MSL3: variants seen among roughly 807,000 people sequenced by gnomAD.
MSL3 encodes the protein MSL3-like 1.
MSL3 carries 5 observed loss-of-function variants against 37.2 expected under a neutral mutation model. The observed-to-expected ratio is 0.13, with a 90% confidence interval of 0.07 to 0.28. The LOEUF is 0.28. Ranked by LOEUF, MSL3 falls within the 10% of genes least tolerant of loss-of-function variation. MSL3 has a pLI of 1.00. For synonymous variants in MSL3, 149 were observed against 147.6 expected, an observed-to-expected ratio of 1.01 and a Z score of -0.07; for missense variants, 315 against 408.5, an observed-to-expected ratio of 0.77 and a Z score of 1.97.
intron 6 of MSL3, among the ~76,000 whole-genome samples, chrX:11,762,627 A>C (rs2053142841): frequency 8.9e-6 from 1 of 112,892 alleles, no homozygotes; most frequent in Non-Finnish European, 1.9e-5. Context: ...CTATTCAAAA[A>C]AGTAATATTG....
At chrX:11,765,381 T>C in intron 8 of MSL3, 86 bp from the exon 9 acceptor site, 2 of 1,066,675 alleles carry the variant, frequency 1.9e-6, no homozygotes, top group Non-Finnish European at 2.5e-6. Context: ...CCTCCTGGAG[T>C]AGAGAGAGCA....
intron 1 of MSL3, 31 bp downstream of exon 1, chrX:11,758,396 C>G: frequency 1.1e-6 from 1 of 900,269 alleles, no homozygotes; most frequent in Non-Finnish European, 1.5e-6. Flanking sequence ...GGAGGAGGCG[C>G]GGGCTGGGGG....
intron 8 of MSL3, among the ~76,000 whole-genome samples, chrX:11,764,911 A>T (rs1268046580): frequency 3.6e-5 from 4 of 111,991 alleles, no homozygotes; most frequent in African/African-American, 1.3e-4. Context: ...CTGGGGACCT[A>T]TGTCAAAGTC....
chrX:11,769,136 A>T (rs190856023), intron 10 of MSL3: 8 of 113,701 alleles, frequency 7.0e-5, no homozygotes, highest in Middle Eastern at 4.6e-3. Flanking sequence ...GTGTTTGAAA[A>T]TTTTTTTTGT....
Position 11,765,616 on chromosome X carries a change from G to A in MSL3, c.1058G>A (p.Arg353His). The change falls in exon 9 of 13, where the codon CGC becomes CAC. Residue 353 changes from arginine to histidine, a missense_variant. Arg to His is a conservative substitution (Grantham distance 29). Coordinates refer to ENST00000312196, the MANE Select transcript of MSL3 (RefSeq NM_078629.4). ...TTGCAGTCTCTGAGGCGGTCCACGC[G>A]CCACAGTGCCAACTGTGACAGGCTT... ...EALQSLRRST[R>H]HSANCDRLSE... is the part of the protein sequence containing the mutation. 8.3e-7 allele frequency: 1 copy of A among 1,211,271 alleles called. No individual in the cohort carries two copies. Among genetic ancestry groups the A allele is most frequent in the Non-Finnish European group, 1.1e-6 (1 of 895,220 alleles).
intron 9 of MSL3, chrX:11,766,655 G>A (rs768803661): frequency 2.5e-4 from 187 of 753,039 alleles, no homozygotes; most frequent in Non-Finnish European, 2.8e-4. Flanking sequence ...CTGGTGCCTC[G>A]CGGGCTCAGT....
At chrX:11,762,085 C>G (rs1310797260) in intron 5 of MSL3, 45 bp from the exon 6 acceptor site, 2 of 1,055,715 alleles carry the variant, frequency 1.9e-6, no homozygotes, top group Admixed American at 3.4e-5. Context: ...GATATTGACT[C>G]TTCTACTGTT....
intron 9 of MSL3, chrX:11,766,304 A>G (rs2053182598): frequency 1.3e-6 from 1 of 753,415 alleles, no homozygotes; most frequent in African/African-American, 2.3e-5. Context: ...TTTTTCCAAA[A>G]TACACACAGG....
At chrX:11,765,233 C>A (rs943749916) in intron 8 of MSL3, among the ~76,000 whole-genome samples, 1 of 112,145 alleles carries the variant, frequency 8.9e-6, no homozygotes, top group Non-Finnish European at 1.9e-5. Flanking sequence ...GCCATCTGTT[C>A]CCTGTCAGGG....
intron 12 of MSL3, among the ~76,000 whole-genome samples, chrX:11,773,956 G>A (rs1273333876): frequency 8.9e-6 from 1 of 112,202 alleles, no homozygotes; most frequent in Non-Finnish European, 1.9e-5. Flanking sequence ...TTAGGAATTT[G>A]GGCAGGTGGG....
chrX:11,770,227 A>G (rs2053221126), intron 10 of MSL3, among the ~76,000 whole-genome samples: 2 of 112,391 alleles, frequency 1.8e-5, no homozygotes, highest in South Asian at 7.3e-4. Context: ...CCTAGGGGCT[A>G]CAGTTGGCTG....
At chrX:11,766,414 T>G (rs1317403008) in intron 9 of MSL3, 2 of 753,336 alleles carry the variant, frequency 2.7e-6, no homozygotes, top group African/African-American at 4.6e-5. Context: ...TCAGGTACAA[T>G]TACTGTAGAA....
chrX:11,766,222 G>T, intron 9 of MSL3: 1 of 769,956 alleles, frequency 1.3e-6, no homozygotes, highest in South Asian at 6.7e-5. Flanking sequence ...AACTCCATCA[G>T]ATCTTCTCAC....
At chrX:11,771,140 T>C (rs955864414) in intron 10 of MSL3, among the ~76,000 whole-genome samples, 1 of 112,608 alleles carries the variant, frequency 8.9e-6, no homozygotes, top group African/African-American at 3.2e-5. Flanking sequence ...AAACTGACTA[T>C]ATCAGTGTTT....
In MSL3 at chrX:11,765,918, C is replaced by T. The variant is rs768684787; in HGVS notation, c.1171+189C>T. The T allele has an allele frequency of 1.7e-4, 180 of 1,087,539 alleles. 3 individuals carry two copies. The East Asian group carries it at 4.8e-3, about 29-fold the overall frequency. The allele number at this position is 1,087,539 out of a possible 1,213,427, so 89.6% of individuals were successfully genotyped here. A position where few individuals can be genotyped will look rare whatever the true frequency, so the allele number is the denominator to read the frequency against. Reference sequence around the variant, plus strand: ...TTGAAACACCTGGCGCAGATTGCAGCGCAGCTGTGTTGGAGGCAGGACTGG... The same window carrying T: ...TTGAAACACCTGGCGCAGATTGCAGTGCAGCTGTGTTGGAGGCAGGACTGG... On this transcript the variant is annotated intron_variant, in intron 9 of 12. Transcript: ENST00000312196.
chrX:11,775,167 AC>A lies in MSL3; in HGVS notation c.*91del. The A allele has an allele frequency of 1.5e-6, 1 of 661,310 alleles. No individual in the cohort carries two copies. The allele number at this position is 661,310 out of a possible 1,213,427, so 54.5% of individuals were successfully genotyped here. On this transcript the variant is annotated 3_prime_UTR_variant, in exon 13 of 13. Transcript: ENST00000312196. ...ATAACTAACAAGGTGGTGGGTCTTTACCCACAGCGCAAACACAATGCCCACC... is the reference window on the plus strand; with the variant it reads ...ATAACTAACAAGGTGGTGGGTCTTTACCACAGCGCAAACACAATGCCCACC...
Position 11,768,623 on chromosome X carries a change from A to G in MSL3, c.1222A>G (p.Lys408Glu), listed in dbSNP as rs1451509909. The G allele has an allele frequency of 1.7e-6, 2 of 1,207,299 alleles. No homozygotes were observed. Among genetic ancestry groups the G allele is most frequent in the African/African-American group, 3.5e-5 (2 of 57,172 alleles). Residue 408 changes from lysine (K) to glutamate (E), a missense_variant, in exon 10 of 13, where the codon AAG becomes GAG. By Grantham distance (56) the Lys-to-Glu change is moderately conservative. Transcript: ENST00000312196. ...SSSPIPLTPS[K>E]EGSAVFAGFE... Reference sequence around the variant, plus strand: ...TTCACCTATTCCTCTGACTCCTAGCAAGGAAGGGAGTGCTGTGTTTGCTGG... The same window carrying G: ...TTCACCTATTCCTCTGACTCCTAGCGAGGAAGGGAGTGCTGTGTTTGCTGG...
intron 1 of MSL3, 63 bp downstream of exon 1, chrX:11,758,428 C>A: frequency 1.5e-6 from 1 of 669,905 alleles, no homozygotes; most frequent in Non-Finnish European, 2.0e-6. Context: ...GGGGCGGGGG[C>A]GGGGGCGGAC....
At chrX:11,758,415 CCGGGGGCGGGGG>C in intron 1 of MSL3, 50 bp downstream of exon 1, 2 of 984,755 alleles carry the variant, frequency 2.0e-6, no homozygotes, top group Non-Finnish European at 2.6e-6. Context: ...GGACCCGGGA[CCGGGGGCGGGGG>C]CGGGGGCGGA....
Sources: allele counts gnomAD v4.1 joint callset (sites outside exome capture counted in the v4.1 genomes callset), GRCh38; gene constraint gnomAD v4.1.1; transcripts MANE v1.5; gene names NCBI Gene and HGNC (gene_info 2026-07-23, HGNC 2026-07-21).